Variants in OSBPL1A observed in about 807,000 individuals in gnomAD.
The protein encoded by OSBPL1A is oxysterol binding protein like 1A.
OSBPL1A carries 80 observed loss-of-function variants against 137.1 expected under a neutral mutation model. That is an observed-to-expected ratio of 0.58 (90% confidence interval 0.49 to 0.70). The LOEUF (loss-of-function observed/expected upper bound fraction) is 0.70, where lower values mean the gene tolerates loss of function less well. Among genes scored for constraint, OSBPL1A ranks in the 30% least tolerant of loss-of-function variants. The pLI, the probability that OSBPL1A is intolerant of heterozygous loss-of-function variation, is 0.00. For synonymous variants in OSBPL1A, 365 were observed against 389.7 expected (o/e 0.94, Z 0.75); for missense variants, 970 against 1,129.4 (o/e 0.86, Z 2.02).
rs200624581 is a variant in OSBPL1A, at chr18:24,293,125, A to AAAAAAAAAG, written c.1174+10511_1174+10512insCTTTTTTTT. 9.5e-4 allele frequency among the ~76,000 whole-genome samples: 78 copies of AAAAAAAAAG among 82,000 alleles called. 1 individual carries two copies. In the East Asian group the frequency reaches 0.011, roughly 12 times the overall value. 53.8% of individuals were successfully genotyped at this position (82,000 alleles called of 152,430 possible). A position where few individuals can be genotyped will look rare whatever the true frequency, so the allele number is the denominator to read the frequency against. On this transcript the variant is annotated intron_variant, in intron 14 of 27. Coordinates refer to ENST00000319481, the MANE Select transcript of OSBPL1A (RefSeq NM_080597.4). Reference sequence around the variant, plus strand: ...GTCTCAAAAAAAAAAAAAAAAAAAAAAAAGAAAAGAAAAGAAAAAATTAAA... The same window carrying AAAAAAAAAG: ...GTCTCAAAAAAAAAAAAAAAAAAAAAAAAAAAAAGAAAGAAAAGAAAAGAAAAAATTAAA...
rs1331519701 is a variant in OSBPL1A at position 24,315,856 on chromosome 18, T to C, written c.870+1293A>G. Among the ~76,000 whole-genome samples the C allele has an allele frequency of 1.5e-4, 18 of 119,352 alleles. No homozygotes were observed. The East Asian group carries it at 3.8e-3, about 25-fold the overall frequency. The allele number at this position is 119,352 out of a possible 152,430, so 78.3% of individuals were successfully genotyped here. A position where few individuals can be genotyped will look rare whatever the true frequency, so the allele number is the denominator to read the frequency against. On this transcript the variant is annotated intron_variant, in intron 11 of 27. Transcript: ENST00000319481. ...AGTATATATTATATAATAAAATATA[T>C]AATATATAGTATATATTATATAATA...
chr18:24,255,487 A>G (rs997144977), intron 15 of OSBPL1A, among the ~76,000 whole-genome samples: 1 of 152,180 alleles, frequency 6.6e-6, no homozygotes, highest in African/African-American at 2.4e-5. Context: ...AGATAAATGC[A>G]TAATTGATTG....
At chr18:24,177,948 T>C in intron 21 of OSBPL1A, 65 bp downstream of exon 21, 1 of 1,452,572 alleles carries the variant, frequency 6.9e-7, no homozygotes, top group Non-Finnish European at 9.5e-7. Context: ...GTCAGCTGAG[T>C]GTGCATGTCT....
At chr18:24,171,042 GTT>G (rs748362943) in intron 23 of OSBPL1A, among the ~76,000 whole-genome samples, 4 of 140,590 alleles carry the variant, frequency 2.8e-5, no homozygotes, top group Non-Finnish European at 1.6e-5. Flanking sequence ...AATTTTTTTT[GTT>G]TTTTTTTTTT....
chr18:24,225,293 C>T, intron 16 of OSBPL1A, 95 bp from the exon 17 acceptor site: 2 of 1,318,540 alleles, frequency 1.5e-6, no homozygotes, highest in Admixed American at 4.1e-5. Flanking sequence ...GCTTTGAAAC[C>T]TAAGCAGCCT....
At chr18:24,387,005 C>G (rs1230082432) in intron 1 of OSBPL1A, among the ~76,000 whole-genome samples, 1 of 151,766 alleles carries the variant, frequency 6.6e-6, no homozygotes, top group Non-Finnish European at 1.5e-5. Flanking sequence ...AAATAGATAT[C>G]TATTTGAAAT....
chr18:24,397,124 G>A (rs1907802127), intron 1 of OSBPL1A, among the ~76,000 whole-genome samples: 1 of 152,228 alleles, frequency 6.6e-6, no homozygotes, highest in African/African-American at 2.4e-5. Flanking sequence ...AGCGGGATAA[G>A]TGAATTGTTA....
intron 7 of OSBPL1A, among the ~76,000 whole-genome samples, chr18:24,329,662 A>G (rs1449490881): frequency 6.6e-6 from 1 of 152,048 alleles, no homozygotes; most frequent in Non-Finnish European, 1.5e-5. Flanking sequence ...TATAAAATAT[A>G]TATTAACTGA....
At chr18:24,390,204 G>A (rs954914760) in intron 1 of OSBPL1A, among the ~76,000 whole-genome samples, 2 of 152,034 alleles carry the variant, frequency 1.3e-5, no homozygotes, top group Admixed American at 6.6e-5. Flanking sequence ...AAGTATGGGG[G>A]TTCCTCAAAA....
At chr18:24,391,222 G>A (rs1907334122) in intron 1 of OSBPL1A, among the ~76,000 whole-genome samples, 2 of 152,182 alleles carry the variant, frequency 1.3e-5, no homozygotes, top group African/African-American at 4.8e-5. Context: ...ACTTAGATGA[G>A]ACAGCTAAAA....
chr18:24,192,946 C>T (rs747529154), intron 18 of OSBPL1A, among the ~76,000 whole-genome samples: 12 of 152,246 alleles, frequency 7.9e-5, no homozygotes, highest in African/African-American at 2.6e-4. Flanking sequence ...GGCTGTCACC[C>T]GCAGGATGCT....
At chr18:24,359,785 T>G (rs1018971176) in intron 4 of OSBPL1A, among the ~76,000 whole-genome samples, 1 of 152,180 alleles carries the variant, frequency 6.6e-6, no homozygotes, top group African/African-American at 2.4e-5. Context: ...CTATTTTAAA[T>G]TGATTATAAA....
chr18:24,170,609 G>C, intron 23 of OSBPL1A, 156 bp from the exon 24 acceptor site: 1 of 718,156 alleles, frequency 1.4e-6, no homozygotes, highest in Non-Finnish European at 2.4e-6. Flanking sequence ...TGTTCAGGGT[G>C]GCATCGCCAT....
In OSBPL1A at chr18:24,271,761, G is replaced by C; in HGVS notation, c.1281+9081C>G. 5 of 985,582 alleles carry C rather than the reference G, an allele frequency of 5.1e-6. No homozygotes were observed. Among genetic ancestry groups the C allele is most frequent in the Non-Finnish European group, 6.0e-6 (5 of 830,084 alleles). 61.1% of individuals were successfully genotyped at this position (985,582 alleles called of 1,614,324 possible). On this transcript the variant is annotated intron_variant, in intron 15 of 27. Coordinates refer to ENST00000319481, the MANE Select transcript of OSBPL1A (RefSeq NM_080597.4). The surrounding 1 kb of genome is among the most constrained non-coding windows in gnomAD (Gnocchi z 4.0). ...GCCGATCCGGGAGGCGCGACCCAGG[G>C]CGGCCCGCAAGGTCTCCCTAAGTCA...
Position 24,256,964 on chromosome 18 carries a change from C to CAAAAAAAAAAA in OSBPL1A, c.1282-17593_1282-17583dup, listed in dbSNP as rs201880387. Among the ~76,000 whole-genome samples, 10 of 29,510 alleles carry CAAAAAAAAAAA rather than the reference C, an allele frequency of 3.4e-4. 1 individual carries two copies. The highest frequency in any genetic ancestry group is 4.1e-4 in the Non-Finnish European group (6 of 14,694). The allele number at this position is 29,510 out of a possible 152,430, so 19.4% of individuals were successfully genotyped here. On this transcript the variant is annotated intron_variant, in intron 15 of 27. Coordinates refer to ENST00000319481, the MANE Select transcript of OSBPL1A (RefSeq NM_080597.4). ...GCTGATGAAAGAACTGAAGAGGATG[C>CAAAAAAAAAAA]AAAAAAAAAAAAAAAAAAAAAAAAA...
intron 17 of OSBPL1A, among the ~76,000 whole-genome samples, chr18:24,205,581 C>A (rs1042491794): frequency 6.6e-6 from 1 of 152,040 alleles, no homozygotes; most frequent in African/African-American, 2.4e-5. Context: ...AGCCCAGTGC[C>A]TGGTAGGTAG....
At position 24,323,081 on chromosome 18, in the gene OSBPL1A, A is replaced by G. The variant is rs143109675; in HGVS notation, c.626-4272T>C. ...GAAGAGCCTCAGAAAATTATTTTAA[A>G]TGCCTTCTGGAAGAATAAACAGATA... On this transcript the variant is annotated intron_variant, in intron 7 of 27. Coordinates refer to ENST00000319481, the MANE Select transcript of OSBPL1A (RefSeq NM_080597.4). Among the ~76,000 whole-genome samples the G allele has an allele frequency of 1.1e-3, 173 of 152,348 alleles. 1 individual carries two copies. The highest frequency in any genetic ancestry group is 0.011 in the South Asian group (51 of 4,834).
chr18:24,331,967 CCTTCTTGTTTCATTCTAGAAG>C (rs1384939837), intron 7 of OSBPL1A, among the ~76,000 whole-genome samples: 1 of 152,052 alleles, frequency 6.6e-6, no homozygotes, highest in African/African-American at 2.4e-5. Flanking sequence ...TGATGCCTGG[CCTTCTTGTTTCATTCTAGAAG>C]CTCTCCTACT....
chr18:24,337,193 C>T (rs930215507), intron 5 of OSBPL1A, among the ~76,000 whole-genome samples: 1 of 152,104 alleles, frequency 6.6e-6, no homozygotes, highest in African/African-American at 2.4e-5. Context: ...CCGCTTTCCT[C>T]TTCAAAAAGG....
Sources: gnomAD v4.1 joint callset for allele counts (sites outside exome capture counted in the v4.1 genomes callset) on GRCh38, gnomAD v4.1.1 for gene constraint, Gnocchi (gnomAD v3.1) non-coding constraint, MANE v1.5 for transcripts, NCBI Gene and HGNC (gene_info 2026-07-23, HGNC 2026-07-21) for gene names.